IGFL2: variants seen among roughly 807,000 people sequenced by gnomAD.
The protein encoded by IGFL2 is insulin growth factor-like family member 2.
Under a neutral mutation model 13.9 loss-of-function variants are expected in IGFL2, and 7 were observed. That is an observed-to-expected ratio of 0.51 (90% CI 0.29 to 0.95). The LOEUF is 0.95. Ranked by LOEUF, IGFL2 falls within the 40% of genes least tolerant of loss-of-function variation. The pLI is 0.08. For missense variants in IGFL2, 138 were observed against 147.8 expected, an observed-to-expected ratio of 0.93 and a Z score of 0.34; for synonymous variants, 55 against 55.8, an observed-to-expected ratio of 0.99 and a Z score of 0.07.
chr19:46,154,926 C>T (rs1973730046), intron 1 of IGFL2, among the ~76,000 whole-genome samples: 1 of 152,200 alleles, frequency 6.6e-6, no homozygotes, highest in South Asian at 2.1e-4. Context: ...TGGCCTCCCT[C>T]TCCCCCGGGC....
At chr19:46,169,468 T>C in the IGFL2 span, among the ~76,000 whole-genome samples, 1 of 152,070 alleles carries the variant, frequency 6.6e-6, no homozygotes, top group East Asian at 1.9e-4. Flanking sequence ...AGAGAGTGAA[T>C]AGATGTTTTC....
chr19:46,094,104 G>A, the IGFL2 span, among the ~76,000 whole-genome samples: 2 of 144,682 alleles, frequency 1.4e-5, no homozygotes, highest in African/African-American at 5.1e-5. Flanking sequence ...AAATGTGTAA[G>A]GAAAGGCCAA....
chr19:46,083,663 CAAG>C, the IGFL2 span, among the ~76,000 whole-genome samples: 1 of 151,826 alleles, frequency 6.6e-6, no homozygotes, highest in African/African-American at 2.4e-5. Flanking sequence ...GAGAGAGAGA[CAAG>C]GAGACAGAAA....
intron 2 of IGFL2, 28 bp from the exon 3 acceptor site, chr19:46,160,586 C>A (rs778902108): frequency 6.2e-7 from 1 of 1,613,712 alleles, no homozygotes; most frequent in East Asian, 2.2e-5. Flanking sequence ...CTTGAGCTCA[C>A]ACCAACAATG....
chr19:46,200,213 G>A, the IGFL2 span, among the ~76,000 whole-genome samples: 1 of 151,608 alleles, frequency 6.6e-6, no homozygotes, highest in African/African-American at 2.4e-5. Flanking sequence ...CTGTCACCCA[G>A]GCTGCAGTGC....
At chr19:46,151,902 A>T (rs1973517534) in intron 1 of IGFL2, among the ~76,000 whole-genome samples, 1 of 152,222 alleles carries the variant, frequency 6.6e-6, no homozygotes, top group Non-Finnish European at 1.5e-5. Context: ...ACAGAGTGAC[A>T]CTTGATCTCA....
chr19:46,163,407 A>C (rs1042478316), downstream of IGFL2, among the ~76,000 whole-genome samples: 4 of 152,194 alleles, frequency 2.6e-5, no homozygotes, highest in African/African-American at 9.6e-5. Context: ...GCAGCCACTC[A>C]GTGCAGTCAG....
At chr19:46,148,330 G>T in intron 1 of IGFL2, 33 bp downstream of exon 1, 1 of 1,537,468 alleles carries the variant, frequency 6.5e-7, no homozygotes, top group Non-Finnish European at 8.8e-7. Context: ...TTGAGCTAAT[G>T]CCTACTGTTA....
chr19:46,136,908 A>G, the IGFL2 span: 1,135 of 868,170 alleles, frequency 1.3e-3, 5 homozygotes, highest in Non-Finnish European at 1.2e-3. Context: ...AGATTTACAC[A>G]TGTCCTCTGG....
the IGFL2 span, among the ~76,000 whole-genome samples, chr19:46,171,799 A>G: frequency 6.6e-6 from 1 of 152,232 alleles, no homozygotes; most frequent in African/African-American, 2.4e-5. Flanking sequence ...TAGATGGAGG[A>G]TATTACAAGG....
At chr19:46,177,192 C>A in the IGFL2 span, among the ~76,000 whole-genome samples, 2 of 151,258 alleles carry the variant, frequency 1.3e-5, no homozygotes, top group Non-Finnish European at 2.9e-5. Context: ...AGGTGGAGTT[C>A]GAGACCAGCC....
At chr19:46,183,181 G>C in the IGFL2 span, among the ~76,000 whole-genome samples, 1 of 152,186 alleles carries the variant, frequency 6.6e-6, no homozygotes, top group South Asian at 2.1e-4. Context: ...GACGGGGGAC[G>C]TGCCACATTT....
At chr19:46,201,193 C>T in the IGFL2 span, among the ~76,000 whole-genome samples, 2 of 152,172 alleles carry the variant, frequency 1.3e-5, no homozygotes, top group Non-Finnish European at 2.9e-5. Context: ...CCAGACTCAA[C>T]CCTCCTCTCC....
chr19:46,191,699 C>A, the IGFL2 span, among the ~76,000 whole-genome samples: 1 of 152,124 alleles, frequency 6.6e-6, no homozygotes, highest in South Asian at 2.1e-4. Flanking sequence ...GACTCAGGGG[C>A]CTTGTGAAAT....
the IGFL2 span, among the ~76,000 whole-genome samples, chr19:46,169,416 C>CT: frequency 6.6e-6 from 1 of 151,976 alleles, no homozygotes; most frequent in Admixed American, 6.6e-5. Context: ...GCCATACACT[C>CT]TAAAGCAAAA....
chr19:46,086,085 G>A, the IGFL2 span, among the ~76,000 whole-genome samples: 1 of 151,892 alleles, frequency 6.6e-6, no homozygotes, highest in South Asian at 2.1e-4. Context: ...TCTTCTGCTT[G>A]ATATGGTCTA....
At chr19:46,214,470 T>C in the IGFL2 span, 1 of 152,200 alleles carries the variant, frequency 6.6e-6, no homozygotes, top group Non-Finnish European at 1.5e-5. Flanking sequence ...AATGAACCAG[T>C]CTTCTCTGAA....
chr19:46,139,247 T>C (rs1972745755), upstream of IGFL2, among the ~76,000 whole-genome samples: 1 of 151,294 alleles, frequency 6.6e-6, no homozygotes, highest in South Asian at 2.1e-4. Flanking sequence ...CTGCTTGGTG[T>C]ATGCTGGTCT....
the IGFL2 span, among the ~76,000 whole-genome samples, chr19:46,085,304 TGACTCCAGACTGTA>T: frequency 5.3e-4 from 80 of 152,348 alleles, no homozygotes; most frequent in African/African-American, 1.9e-3. Context: ...TAGTCTCTCT[TGACTCCAGACTGTA>T]GTGTTGGGTG....
Sources: allele counts gnomAD v4.1 joint callset (sites outside exome capture counted in the v4.1 genomes callset), GRCh38; gene constraint gnomAD v4.1.1; transcripts MANE v1.5; gene names NCBI Gene and HGNC (gene_info 2026-07-23, HGNC 2026-07-21).